Variants in FSTL4 observed in about 807,000 individuals in gnomAD.
FSTL4 encodes the protein follistatin-related protein 4.
FSTL4 carries 28 observed loss-of-function variants against 78.2 expected under a neutral mutation model. The observed-to-expected ratio is 0.36, with a 90% CI of 0.27 to 0.49. FSTL4 has a LOEUF of 0.49. Ranked by LOEUF, FSTL4 falls within the 20% of genes least tolerant of loss-of-function variation. FSTL4 has a pLI of 0.98. For missense variants in FSTL4, 922 were observed against 1,084.9 expected (o/e 0.85, Z 2.11); for synonymous variants, 422 against 440.5 (o/e 0.96, Z 0.53).
At chr5:133,797,439 T>C in the FSTL4 span, among the ~76,000 whole-genome samples, 1 of 152,248 alleles carries the variant, frequency 6.6e-6, no homozygotes, top group East Asian at 1.9e-4. Context: ...TTGCATGGCC[T>C]TAGATGTTGT....
intron 3 of FSTL4, among the ~76,000 whole-genome samples, chr5:133,484,867 G>A (rs537321033): frequency 1.3e-5 from 2 of 152,286 alleles, no homozygotes; most frequent in African/African-American, 4.8e-5. Context: ...AGTTGAGATC[G>A]TGAATGTGAC....
At chr5:133,272,557 T>G (rs990642309) in intron 6 of FSTL4, among the ~76,000 whole-genome samples, 2 of 152,258 alleles carry the variant, frequency 1.3e-5, no homozygotes, top group Non-Finnish European at 2.9e-5. Flanking sequence ...TTTAGATCTT[T>G]TAATCATCCT....
At chr5:133,574,573 T>C (rs1280113720) in intron 2 of FSTL4, among the ~76,000 whole-genome samples, 3 of 152,262 alleles carry the variant, frequency 2.0e-5, no homozygotes, top group African/African-American at 7.2e-5. Context: ...TCTATGTTCC[T>C]GACCCAACAA....
the FSTL4 span, among the ~76,000 whole-genome samples, chr5:133,700,838 T>C: frequency 2.5e-4 from 38 of 152,302 alleles, no homozygotes; most frequent in East Asian, 6.2e-3. Flanking sequence ...GACCCAGGTA[T>C]ACATTTAGAA....
the FSTL4 span, among the ~76,000 whole-genome samples, chr5:133,674,814 G>A: frequency 6.6e-6 from 1 of 152,288 alleles, no homozygotes; most frequent in East Asian, 1.9e-4. Flanking sequence ...AGGCGTTAGG[G>A]TAGGAAATTG....
chr5:133,531,930 C>G (rs192540021), intron 3 of FSTL4, among the ~76,000 whole-genome samples: 48 of 152,304 alleles, frequency 3.2e-4, no homozygotes, highest in African/African-American at 1.1e-3. Context: ...GCATGCCTCA[C>G]AATAGATGGA....
At chr5:133,590,702 T>A (rs7727546) in intron 2 of FSTL4, among the ~76,000 whole-genome samples, 34,685 of 152,102 alleles carry the variant, frequency 0.23, 4,257 homozygotes, top group East Asian at 0.29. Context: ...GTGAGTTTGA[T>A]GGGTCAGGCG....
the FSTL4 span, among the ~76,000 whole-genome samples, chr5:133,817,798 G>A: frequency 6.6e-6 from 1 of 152,188 alleles, no homozygotes; most frequent in Admixed American, 6.5e-5. Context: ...TGAAAGCTGG[G>A]ACAGAGAATA....
the FSTL4 span, among the ~76,000 whole-genome samples, chr5:133,813,497 G>A: frequency 4.6e-5 from 7 of 152,262 alleles, no homozygotes; most frequent in Non-Finnish European, 1.0e-4. Flanking sequence ...GAACTGTGGG[G>A]ACCTAAAATA....
the FSTL4 span, among the ~76,000 whole-genome samples, chr5:133,807,985 G>T: frequency 6.6e-6 from 1 of 152,030 alleles, no homozygotes; most frequent in Non-Finnish European, 1.5e-5. Context: ...GATTTTTTCT[G>T]CTTCTGTCTC....
At chr5:133,774,897 G>C in the FSTL4 span, among the ~76,000 whole-genome samples, 9 of 152,046 alleles carry the variant, frequency 5.9e-5, no homozygotes, top group African/African-American at 2.2e-4. Flanking sequence ...GATAAATCTT[G>C]CACAAATTCA....
intron 8 of FSTL4, among the ~76,000 whole-genome samples, chr5:133,229,680 T>C (rs1227164584): frequency 1.3e-5 from 2 of 152,182 alleles, no homozygotes; most frequent in African/African-American, 2.4e-5. Flanking sequence ...TGTTGCAAAG[T>C]GGGGTGCAGG....
At chr5:133,775,392 A>G in the FSTL4 span, among the ~76,000 whole-genome samples, 1 of 152,178 alleles carries the variant, frequency 6.6e-6, no homozygotes, top group African/African-American at 2.4e-5. Flanking sequence ...ATGGGACACC[A>G]ATCTAGTGGG....
intron 12 of FSTL4, among the ~76,000 whole-genome samples, chr5:133,218,880 G>A (rs767009540): frequency 6.6e-5 from 10 of 152,150 alleles, no homozygotes; most frequent in Non-Finnish European, 1.3e-4. Context: ...TAGATTGTAA[G>A]TAAGTTCCTT....
chr5:133,629,512 T>A, the FSTL4 span, among the ~76,000 whole-genome samples: 1 of 152,004 alleles, frequency 6.6e-6, no homozygotes, highest in Non-Finnish European at 1.5e-5. Flanking sequence ...TAACAGCCTA[T>A]CAACCAAAAA....
In FSTL4 at chr5:133,265,986, T is replaced by G. The variant is rs900148289; in HGVS notation, c.728-16410A>C. Among the ~76,000 whole-genome samples the G allele has an allele frequency of 1.1e-3, 160 of 152,330 alleles. 2 individuals are homozygous for G. The Middle Eastern group carries it at 0.014, about 13-fold the overall frequency. On this transcript the variant is annotated intron_variant, in intron 6 of 15. Coordinates refer to ENST00000265342, the MANE Select transcript of FSTL4 (RefSeq NM_015082.2). Reference sequence around the variant, plus strand: ...AAAAGGTACTCTCCCTAGAGGCTGGTGGCAGCCCTACAAGTCCTGGTCATG... The same window carrying G: ...AAAAGGTACTCTCCCTAGAGGCTGGGGGCAGCCCTACAAGTCCTGGTCATG...
At chr5:133,598,421 C>T (rs1165732038) in intron 2 of FSTL4, among the ~76,000 whole-genome samples, 2 of 129,518 alleles carry the variant, frequency 1.5e-5, no homozygotes, top group Non-Finnish European at 3.3e-5. Flanking sequence ...GGTTACAGCA[C>T]ACCCCATTCT....
At chr5:133,575,806 T>C (rs1238557130) in intron 2 of FSTL4, among the ~76,000 whole-genome samples, 17 of 152,266 alleles carry the variant, frequency 1.1e-4, no homozygotes, top group Admixed American at 1.1e-3. Context: ...CATTACTTAA[T>C]GACTAAATTT....
chr5:133,778,341 T>TA, the FSTL4 span, among the ~76,000 whole-genome samples: 8,889 of 148,792 alleles, frequency 0.06, 306 homozygotes, highest in African/African-American at 0.078. Flanking sequence ...GTGTTTCCTC[T>TA]AAAAAAAAAA....
Sources: gnomAD v4.1 joint callset for allele counts (sites outside exome capture counted in the v4.1 genomes callset) on GRCh38, gnomAD v4.1.1 for gene constraint, MANE v1.5 for transcripts, NCBI Gene and HGNC (gene_info 2026-07-23, HGNC 2026-07-21) for gene names.